Variants in ABAT observed in about 807,000 individuals in gnomAD.
The protein encoded by ABAT is 4-aminobutyrate aminotransferase.
Under a neutral mutation model 64.6 loss-of-function variants are expected in ABAT, and 45 were observed. The ratio of observed to expected loss-of-function variants is 0.70; its 90% CI spans 0.55 to 0.89. The LOEUF (loss-of-function observed/expected upper bound fraction) is 0.89. Among genes scored for constraint, ABAT ranks in the 40% least tolerant of loss-of-function variants. The pLI, the probability that ABAT is intolerant of heterozygous loss-of-function variation, is 0.00. For missense variants in ABAT, 633 were observed against 658.4 expected (o/e 0.96, Z 0.42); for synonymous variants, 297 against 250.5 (o/e 1.19, Z -1.75).
At position 8,772,272 on chromosome 16, in the gene ABAT, G is replaced by C. The variant is rs1038091258; in HGVS notation, c.817-508G>C. Among the ~76,000 whole-genome samples the C allele has an allele frequency of 5.3e-4, 41 of 77,188 alleles. 1 individual carries two copies. Among genetic ancestry groups the C allele is most frequent in the African/African-American group, 1.5e-3 (16 of 10,602 alleles). The allele number at this position is 77,188 out of a possible 152,430, so 50.6% of individuals were successfully genotyped here. A position where few individuals can be genotyped will look rare whatever the true frequency, so the allele number is the denominator to read the frequency against. On this transcript the variant is annotated intron_variant, in intron 11 of 15. Transcript: ENST00000268251. ...TGTCTCTGTGTGTGTGTGTGTGTGT[G>C]TGTGTGTGTGTGTGTGTGTGTGTGT...
At position 8,772,773 on chromosome 16, in the gene ABAT, G is replaced by A. The variant is rs2060151258; in HGVS notation, c.817-7G>A. The stretch of plus-strand genomic sequence containing the variant: ...CATCGGTGGTCACTTTCCCCTTTGG[G>A]ATCCAGGTGGAGGATCTGATTGTGA... On this transcript the variant is annotated splice_polypyrimidine_tract_variant and splice_region_variant and intron_variant, in intron 11 of 15. Coordinates refer to ENST00000268251, the MANE Select transcript of ABAT (RefSeq NM_020686.6). 1 of 1,614,026 alleles carries A rather than the reference G, an allele frequency of 6.2e-7. No homozygotes were observed. The highest frequency in any genetic ancestry group is 2.2e-5 in the East Asian group (1 of 44,872).
chr16:8,725,625 C>G (rs544131608), intron 1 of ABAT, among the ~76,000 whole-genome samples: 2 of 152,230 alleles, frequency 1.3e-5, no homozygotes, highest in East Asian at 3.9e-4. Context: ...ATCCACTGAT[C>G]GACATCTGGG....
At chr16:8,777,635 TTAATC>T (rs1267207344) in intron 14 of ABAT, among the ~76,000 whole-genome samples, 10 of 152,208 alleles carry the variant, frequency 6.6e-5, no homozygotes, top group African/African-American at 1.4e-4. Flanking sequence ...GGAAGAGACT[TTAATC>T]TAAACCATCC....
intron 1 of ABAT, among the ~76,000 whole-genome samples, chr16:8,678,105 A>C (rs144514947): frequency 6.6e-6 from 1 of 152,292 alleles, no homozygotes; most frequent in Non-Finnish European, 1.5e-5. Flanking sequence ...TTTCTTGCAC[A>C]AGCTCCTCGT....
intron 1 of ABAT, among the ~76,000 whole-genome samples, chr16:8,691,515 A>C (rs1273359): frequency 0.39 from 59,513 of 151,704 alleles, 12,007 homozygotes; most frequent in East Asian, 0.65. Flanking sequence ...TTTTGGCTCA[A>C]TGCAATCTCT....
chr16:8,733,068 C>T (rs1372824061), intron 1 of ABAT, among the ~76,000 whole-genome samples: 3 of 144,406 alleles, frequency 2.1e-5, no homozygotes, highest in East Asian at 2.0e-4. Context: ...GCTGGCCGGG[C>T]GGGGGGCTGA....
chr16:8,680,084 A>C, intron 1 of ABAT, among the ~76,000 whole-genome samples: 1 of 151,228 alleles, frequency 6.6e-6, no homozygotes, highest in African/African-American at 2.4e-5. Context: ...GTCTTCCCCG[A>C]CCCTCCCCCA....
Position 8,739,681 on chromosome 16 carries a change from T to G in ABAT, c.70+3872T>G, listed in dbSNP as rs569872569. On this transcript the variant is annotated intron_variant, in intron 2 of 15. Coordinates refer to ENST00000268251, the MANE Select transcript of ABAT (RefSeq NM_020686.6). ...TTATGGTTCATGTGAAAGCACTTTA[T>G]TTGTATTTACAGTAAGGTGGGAAGT... is the stretch of plus-strand genomic sequence containing the variant. 3.9e-5 allele frequency among the ~76,000 whole-genome samples: 6 copies of G among 152,214 alleles called. No individual in the cohort carries two copies. In the South Asian group the frequency reaches 1.2e-3, roughly 32 times the overall value.
intron 1 of ABAT, among the ~76,000 whole-genome samples, chr16:8,723,827 ATTTTTTTTTTTTTTTTT>A (rs1157410078): frequency 2.5e-5 from 1 of 40,348 alleles, no homozygotes; most frequent in Non-Finnish European, 4.0e-5. Context: ...ATATATATAT[ATTTTTTTTTTTTTTTTT>A]TTTTTTTTTT....
At chr16:8,718,100 A>T (rs1044535313) in intron 1 of ABAT, among the ~76,000 whole-genome samples, 1 of 152,162 alleles carries the variant, frequency 6.6e-6, no homozygotes, top group African/African-American at 2.4e-5. Context: ...CCCTCTCTGA[A>T]CCTCAGTCTC....
In ABAT at chr16:8,764,831, G is replaced by C; in HGVS notation, c.540+1G>C. ...AAAGACCATCTTCATGTGGTACCGG[G>C]TGAGGTTTGGGGCACACACACACAC... On this transcript the variant is annotated splice_donor_variant, in intron 8 of 15. Transcript: ENST00000268251. LOFTEE classifies it high-confidence loss of function. This position sits in a 1 kb window ranked among gnomAD's most constrained non-coding sequence, Gnocchi z 4.2. 3.7e-6 allele frequency: 6 copies of C among 1,610,788 alleles called. No individual in the cohort carries two copies. Among genetic ancestry groups the C allele is most frequent in the Non-Finnish European group, 4.2e-6 (5 of 1,179,024 alleles).
At chr16:8,768,337 C>G (rs2060006028) in intron 10 of ABAT, 81 bp downstream of exon 10, 24 of 1,394,142 alleles carry the variant, frequency 1.7e-5, no homozygotes, top group Non-Finnish European at 2.4e-5. Context: ...CTGACATTAG[C>G]AGTTTACACA....
At chr16:8,773,683 T>C (rs891753870) in intron 12 of ABAT, among the ~76,000 whole-genome samples, 7 of 152,232 alleles carry the variant, frequency 4.6e-5, no homozygotes, top group Non-Finnish European at 1.0e-4. Flanking sequence ...TTGTATCCAT[T>C]AACCAACCCC....
intron 11 of ABAT, among the ~76,000 whole-genome samples, chr16:8,771,848 C>T (rs888928127): frequency 2.0e-5 from 3 of 152,086 alleles, no homozygotes; most frequent in Non-Finnish European, 4.4e-5. Context: ...TCACTGCGAT[C>T]TCACAGTCCT....
chr16:8,732,733 C>T (rs113653087), intron 1 of ABAT, among the ~76,000 whole-genome samples: 146,931 of 149,200 alleles, frequency 0.98, 72,467 homozygotes, highest in Middle Eastern at 1. Context: ...AATGAGCTGT[C>T]GGGCACACCT....
chr16:8,721,173 T>TGGGGG (rs145106265), intron 1 of ABAT, among the ~76,000 whole-genome samples: 4 of 152,020 alleles, frequency 2.6e-5, no homozygotes, highest in African/African-American at 7.2e-5. Flanking sequence ...ATGTCTAGTC[T>TGGGGG]GGGGGTAAGA....
intron 1 of ABAT, among the ~76,000 whole-genome samples, chr16:8,687,205 C>T (rs1035926323): frequency 7.9e-5 from 12 of 152,148 alleles, no homozygotes; most frequent in East Asian, 5.8e-4. Flanking sequence ...TGCCCTCCCA[C>T]GGAGCAGGTG....
intron 1 of ABAT, among the ~76,000 whole-genome samples, chr16:8,699,162 G>A (rs2057765501): frequency 6.6e-6 from 1 of 152,134 alleles, no homozygotes; most frequent in Admixed American, 6.5e-5. Context: ...AACCGCCCCA[G>A]ATCAAATGTG....
At chr16:8,758,147 C>G (rs139257925) in intron 6 of ABAT, among the ~76,000 whole-genome samples, 41 of 152,302 alleles carry the variant, frequency 2.7e-4, no homozygotes, top group Middle Eastern at 3.4e-3. Context: ...GTGTTCAGCA[C>G]TTTATAGCGA....
Sources: gnomAD v4.1 joint callset for allele counts (sites outside exome capture counted in the v4.1 genomes callset) on GRCh38, gnomAD v4.1.1 for gene constraint, Gnocchi (gnomAD v3.1) non-coding constraint, MANE v1.5 for transcripts, NCBI Gene and HGNC (gene_info 2026-07-23, HGNC 2026-07-21) for gene names.